STX12: variants seen among roughly 807,000 people sequenced by gnomAD.
The protein encoded by STX12 is syntaxin-12.
Under a neutral mutation model 42.2 loss-of-function variants are expected in STX12, and 17 were observed. That is an observed-to-expected ratio of 0.40 (90% CI 0.28 to 0.60). STX12 has a LOEUF of 0.60. STX12 is among the 20% of genes least tolerant of loss of function. The pLI, the probability that STX12 is intolerant of heterozygous loss-of-function variation, is 0.39. For missense variants in STX12, 297 were observed against 330.9 expected (o/e 0.90, Z 0.79); for synonymous variants, 108 against 116.7 (o/e 0.93, Z 0.48).
intron 1 of STX12, among the ~76,000 whole-genome samples, chr1:27,782,452 T>C (rs1557798291): frequency 6.6e-6 from 1 of 152,186 alleles, no homozygotes; most frequent in Non-Finnish European, 1.5e-5. Context: ...ATTCTGAAAC[T>C]GGTATGGTTA....
intron 3 of STX12, among the ~76,000 whole-genome samples, chr1:27,800,946 C>T (rs866265578): frequency 1.4e-4 from 21 of 152,204 alleles, no homozygotes; most frequent in Admixed American, 3.9e-4. Flanking sequence ...CTATAGTTTA[C>T]AGGGAAGCTG....
intron 1 of STX12, among the ~76,000 whole-genome samples, chr1:27,775,227 C>G (rs1385060814): frequency 6.6e-6 from 1 of 151,938 alleles, no homozygotes; most frequent in Non-Finnish European, 1.5e-5. Context: ...ATATATAAAA[C>G]CAGAATACTC....
chr1:27,804,151 C>T (rs764898101), intron 4 of STX12, among the ~76,000 whole-genome samples: 1 of 152,022 alleles, frequency 6.6e-6, no homozygotes, highest in African/African-American at 2.4e-5. Flanking sequence ...TGTGGCCGGG[C>T]GCAGTGGCTC....
chr1:27,819,679 G>C lies in STX12; in HGVS notation c.679G>C (p.Glu227Gln). 6.2e-7 allele frequency: 1 copy of C among 1,613,974 alleles called. No homozygotes were observed. The highest frequency in any genetic ancestry group is 1.1e-5 in the South Asian group (1 of 91,078). The change falls in exon 8 of 9, where the codon GAG becomes CAG. Residue 227 changes from glutamate (E) to glutamine (Q), a missense_variant. Physicochemically the swap from Glu to Gln is conservative, Grantham distance 29. Transcript: ENST00000373943. ...DSIEANVESS[E>Q]VHVERATEQL... ...CATAGAAGCCAATGTGGAAAGCTCA[G>C]AGGTGCACGTCGAAAGAGCCACTGA...
chr1:27,775,428 C>T (rs1025293422), intron 1 of STX12, among the ~76,000 whole-genome samples: 2 of 152,090 alleles, frequency 1.3e-5, no homozygotes, highest in African/African-American at 2.4e-5. Flanking sequence ...TGCACCACCA[C>T]GCCCGGCTAA....
rs373587722 is a variant in STX12 at position 27,812,205 on chromosome 1, G to T, written c.513G>T (p.Val171=). Residue 171 remains valine (V), a synonymous_variant, in exon 6 of 9, where the codon GTG becomes GTT. Transcript: ENST00000373943. The part of the protein sequence containing the change: ...WNQMQSQEDE[V]AITEQDLELI... ...AGATGCAGAGCCAGGAGGATGAGGTGGCCATCACTGAGCAGGATTTGGAAC... is the reference window on the plus strand; with the variant it reads ...AGATGCAGAGCCAGGAGGATGAGGTTGCCATCACTGAGCAGGATTTGGAAC... The T allele has an allele frequency of 2.4e-5, 38 of 1,561,470 alleles. No homozygotes were observed. The highest frequency in any genetic ancestry group is 3.5e-6 in the Non-Finnish European group (4 of 1,152,084).
intron 8 of STX12, among the ~76,000 whole-genome samples, chr1:27,820,972 A>C (rs898025475): frequency 1.4e-5 from 2 of 145,794 alleles, no homozygotes; most frequent in Non-Finnish European, 3.0e-5. Flanking sequence ...GGAATTGAAC[A>C]ATGAGAACAC....
At chr1:27,812,306 G>T in intron 6 of STX12, 38 bp downstream of exon 6, 15 of 1,466,892 alleles carry the variant, frequency 1.0e-5, no homozygotes, top group Non-Finnish European at 1.4e-5. Context: ...GACTCAGTGT[G>T]TCTGCAGGTA....
chr1:27,822,185 T>G, intron 8 of STX12, 46 bp from the exon 9 acceptor site: 1 of 1,201,262 alleles, frequency 8.3e-7, no homozygotes, highest in Non-Finnish European at 1.2e-6. Context: ...CACATACAAA[T>G]TTTACTTGTT....
intron 3 of STX12, among the ~76,000 whole-genome samples, chr1:27,800,488 G>GGTGTGTGTGTGT (rs57488710): frequency 1.7e-4 from 24 of 140,884 alleles, no homozygotes; most frequent in Admixed American, 7.2e-4. Context: ...GTCAGTATGT[G>GGTGTGTGTGTGT]GTGTGTGTGT....
At chr1:27,814,447 G>A (rs2088926354) in intron 6 of STX12, among the ~76,000 whole-genome samples, 1 of 152,018 alleles carries the variant, frequency 6.6e-6, no homozygotes, top group African/African-American at 2.4e-5. Flanking sequence ...AAGATCACTT[G>A]AGCCCAGGAG....
intron 3 of STX12, 70 bp downstream of exon 3, chr1:27,793,702 A>C: frequency 1.2e-6 from 1 of 842,468 alleles, no homozygotes; most frequent in Non-Finnish European, 1.7e-6. Context: ...TGTGTAGAAC[A>C]AAAAAAAAAT....
At chr1:27,773,544 G>A in intron 1 of STX12, 119 bp downstream of exon 1, 1 of 898,732 alleles carries the variant, frequency 1.1e-6, no homozygotes, top group South Asian at 1.6e-5. Context: ...GGCTGTCTCG[G>A]GCTGTCCACC....
chr1:27,803,937 G>A (rs1445372558), intron 4 of STX12, among the ~76,000 whole-genome samples: 1 of 151,996 alleles, frequency 6.6e-6, no homozygotes, highest in Admixed American at 6.6e-5. Flanking sequence ...GGAGACAGAG[G>A]TTGCAGTGAG....
intron 7 of STX12, 100 bp from the exon 8 acceptor site, chr1:27,819,550 G>A: frequency 1.1e-6 from 1 of 932,502 alleles, no homozygotes; most frequent in Non-Finnish European, 1.7e-6. Flanking sequence ...AGTTTGGATA[G>A]TGGTAGTGAA....
chr1:27,799,827 A>G (rs2148602996), intron 3 of STX12, among the ~76,000 whole-genome samples: 1 of 152,140 alleles, frequency 6.6e-6, no homozygotes. Flanking sequence ...ATCTCAGCTC[A>G]CTGCAACCTC....
At chr1:27,790,767 C>CTA (rs2088734865) in intron 2 of STX12, among the ~76,000 whole-genome samples, 2 of 151,502 alleles carry the variant, frequency 1.3e-5, no homozygotes, top group African/African-American at 4.9e-5. Context: ...CATGATGAAA[C>CTA]CCTGTCTCTA....
At chr1:27,810,516 A>G (rs2088895323) in intron 5 of STX12, among the ~76,000 whole-genome samples, 1 of 152,220 alleles carries the variant, frequency 6.6e-6, no homozygotes, top group Non-Finnish European at 1.5e-5. Flanking sequence ...CTTCCAAGAA[A>G]CCATTGATGT....
At chr1:27,805,760 T>C (rs951619724) in intron 4 of STX12, among the ~76,000 whole-genome samples, 24 of 152,212 alleles carry the variant, frequency 1.6e-4, no homozygotes, top group African/African-American at 5.3e-4. Context: ...CAGTCTATTA[T>C]GATAGATTGT....
Sources: gnomAD v4.1 joint callset for allele counts (sites outside exome capture counted in the v4.1 genomes callset) on GRCh38, gnomAD v4.1.1 for gene constraint, MANE v1.5 for transcripts, NCBI Gene and HGNC (gene_info 2026-07-23, HGNC 2026-07-21) for gene names.